Variants in BIRC6 observed in about 807,000 individuals in gnomAD.
The protein encoded by BIRC6 is dual E2 ubiquitin-conjugating enzyme/E3 ubiquitin-protein ligase BIRC6.
A neutral mutation model predicts 503.3 loss-of-function variants in BIRC6; 98 were observed. The ratio of observed to expected loss-of-function variants is 0.19; its 90% CI spans 0.17 to 0.23. The LOEUF (loss-of-function observed/expected upper bound fraction) is 0.23, where lower values mean the gene tolerates loss of function less well. Ranked by LOEUF, BIRC6 falls within the 10% of genes least tolerant of loss-of-function variation. The probability of loss-of-function intolerance (pLI) is 1.00; values close to 1 mark genes in which losing one functional copy is unlikely to be tolerated. For synonymous variants in BIRC6, 2,240 were observed against 2,078.7 expected (o/e 1.08, Z -2.11); for missense variants, 5,360 against 5,806.0 (o/e 0.92, Z 2.50).
At chr2:32,613,581 A>G (rs946071992) in intron 73 of BIRC6, among the ~76,000 whole-genome samples, 1 of 151,914 alleles carries the variant, frequency 6.6e-6, no homozygotes, top group Admixed American at 6.6e-5. Flanking sequence ...GGGTTTCACC[A>G]TGTTGGCCAG....
At chr2:32,609,965 G>T (rs1337424005) in intron 72 of BIRC6, among the ~76,000 whole-genome samples, 2 of 152,080 alleles carry the variant, frequency 1.3e-5, no homozygotes, top group African/African-American at 2.4e-5. Flanking sequence ...AATGCCACTC[G>T]CTACTCTTTG....
chr2:32,484,505 C>T (rs868465409), intron 39 of BIRC6, among the ~76,000 whole-genome samples: 2 of 146,970 alleles, frequency 1.4e-5, no homozygotes, highest in East Asian at 2.0e-4. Context: ...GAGCCAAGAT[C>T]GTGCTGCTGC....
intron 22 of BIRC6, among the ~76,000 whole-genome samples, chr2:32,452,594 C>T (rs2046841811): frequency 2.0e-5 from 3 of 152,090 alleles, no homozygotes; most frequent in Admixed American, 2.0e-4. Context: ...TTCTGCATGG[C>T]TTTTCTGCCA....
Position 32,529,736 on chromosome 2 carries a change from A to G in BIRC6, c.12006A>G (p.Ile4002Met). The G allele has an allele frequency of 6.2e-7, 1 of 1,613,784 alleles. No individual in the cohort carries two copies. Among genetic ancestry groups the G allele is most frequent in the Non-Finnish European group, 8.5e-7 (1 of 1,179,736 alleles). The change falls in exon 60 of 74, where the codon ATA (isoleucine) becomes ATG (methionine). Residue 4002 changes from isoleucine (I) to methionine (M), a missense_variant. Around this residue, in one of 16 missense-constraint regions of BIRC6, gnomAD observed 878 missense variants for 928.9 expected, o/e 0.95. Coordinates refer to ENST00000421745, the MANE Select transcript of BIRC6 (RefSeq NM_016252.4). Reference sequence around the variant, plus strand: ...AACTTCCTCAGGGTTACCGCTCAATAGATCTGACTGTTAAATTGGGATCAA... The same window carrying G: ...AACTTCCTCAGGGTTACCGCTCAATGGATCTGACTGTTAAATTGGGATCAA... ...DRKLPQGYRS[I>M]DLTVKLGSRV...
In BIRC6 at chr2:32,477,557, G is replaced by T; in HGVS notation, c.7042G>T (p.Ala2348Ser). Residue 2348 changes from alanine (A) to serine (S), a missense_variant, in exon 35 of 74, where the codon GCA becomes TCA. Transcript: ENST00000421745. ...TCTCTCCATGGACTTTACATGTCAT[G>T]CAGATCTCTTATTGTTTGTTTGTAA... is the stretch of plus-strand genomic sequence containing the variant. ...FLLSMDFTCH[A>S]DLLLFVCKVL... 2 of 1,613,682 alleles carry T rather than the reference G, an allele frequency of 1.2e-6. No homozygotes were observed. The highest frequency in any genetic ancestry group is 1.7e-6 in the Non-Finnish European group (2 of 1,179,732).
rs1333331685 is a variant in BIRC6, at chr2:32,603,099, C to G, written c.14070+16C>G. Reference sequence around the variant, plus strand: ...CTTTTTGCAAGTAAACAAAATTTCTCTGACATTTTCACTTAAGAAATAAAG... The same window carrying G: ...CTTTTTGCAAGTAAACAAAATTTCTGTGACATTTTCACTTAAGAAATAAAG... On this transcript the variant is annotated intron_variant, in intron 71 of 73. Coordinates refer to ENST00000421745, the MANE Select transcript of BIRC6 (RefSeq NM_016252.4). 6.3e-7 allele frequency: 1 copy of G among 1,594,808 alleles called. No homozygotes were observed. The highest frequency in any genetic ancestry group is 2.2e-5 in the East Asian group (1 of 44,668).
At chr2:32,379,220 G>A (rs112944071) in intron 2 of BIRC6, 1 of 152,130 alleles carries the variant, frequency 6.6e-6, no homozygotes, top group Non-Finnish European at 1.5e-5. Context: ...TCTTTGGATA[G>A]AGAATTAATT....
chr2:32,449,599 A>G (rs74969525), intron 22 of BIRC6, among the ~76,000 whole-genome samples: 2,418 of 152,306 alleles, frequency 0.016, 48 homozygotes, highest in African/African-American at 0.056. Context: ...ATTTGCAAAC[A>G]GATTAAGGTA....
chr2:32,507,107 T>TA (rs1558920912), intron 50 of BIRC6, among the ~76,000 whole-genome samples: 2 of 151,908 alleles, frequency 1.3e-5, no homozygotes, highest in African/African-American at 2.4e-5. Context: ...ATTGATTTTT[T>TA]AAAAAAAATC....
At chr2:32,598,127 C>T (rs962088799) in intron 69 of BIRC6, among the ~76,000 whole-genome samples, 159 bp downstream of exon 69, 2 of 132,408 alleles carry the variant, frequency 1.5e-5, no homozygotes, top group Non-Finnish European at 3.2e-5. Flanking sequence ...AGCCTCCCCA[C>T]CCCTCCCCCC....
At chr2:32,590,710 T>G in intron 66 of BIRC6, 14 of 867,390 alleles carry the variant, frequency 1.6e-5, no homozygotes, top group Non-Finnish European at 1.8e-5. Flanking sequence ...TTTAACTAAT[T>G]AGCTATTTAG....
Position 32,415,623 on chromosome 2 carries a change from A to G in BIRC6, c.2332A>G (p.Asn778Asp). Residue 778 changes from asparagine (N) to aspartate (D), a missense_variant, in exon 10 of 74, where the codon AAT (asparagine) becomes GAT (aspartate). By Grantham distance (23) the Asn-to-Asp change is conservative. Around this residue, in one of 16 missense-constraint regions of BIRC6, gnomAD observed 700 missense variants for 739.3 expected, o/e 0.95. Transcript: ENST00000421745. ...NLNKLNSALC[N>D]RRKGELESNL... ...AAATAAATTAAACTCTGCACTATGT[A>G]ATAGACGGAAAGGTGAGCTGGAATC... 6.2e-7 allele frequency: 1 copy of G among 1,613,994 alleles called. No individual in the cohort carries two copies. The highest frequency in any genetic ancestry group is 1.3e-5 in the African/African-American group (1 of 75,058).
At chr2:32,599,326 TAAA>T (rs61611664) in intron 69 of BIRC6, among the ~76,000 whole-genome samples, 4 of 121,628 alleles carry the variant, frequency 3.3e-5, no homozygotes, top group Non-Finnish European at 3.4e-5. Context: ...GAGACTGTCT[TAAA>T]AAAAAAAAAA....
chr2:32,603,949 A>G (rs1341194171), intron 71 of BIRC6, among the ~76,000 whole-genome samples: 1 of 151,876 alleles, frequency 6.6e-6, no homozygotes, highest in Non-Finnish European at 1.5e-5. Context: ...AGATTCTAAG[A>G]AAACACTTTA....
At chr2:32,451,527 G>A (rs1272505032) in intron 22 of BIRC6, among the ~76,000 whole-genome samples, 1 of 152,108 alleles carries the variant, frequency 6.6e-6, no homozygotes, top group Non-Finnish European at 1.5e-5. Flanking sequence ...TGCCCTTGAC[G>A]TTGCAGTAAA....
chr2:32,460,369 C>G (rs1219324901), intron 23 of BIRC6, among the ~76,000 whole-genome samples: 2 of 145,734 alleles, frequency 1.4e-5, no homozygotes, highest in Non-Finnish European at 3.0e-5. Context: ...CTCCGCCTCC[C>G]GGGTTCAAGT....
chr2:32,482,333 T>C (rs1409695637), intron 38 of BIRC6, 96 bp from the exon 39 acceptor site: 1 of 1,178,764 alleles, frequency 8.5e-7, no homozygotes, highest in African/African-American at 1.5e-5. Flanking sequence ...ATAGAATATT[T>C]ATTTTGTAGT....
intron 61 of BIRC6, among the ~76,000 whole-genome samples, chr2:32,533,687 G>T (rs2710626): frequency 6.6e-6 from 1 of 151,856 alleles, no homozygotes; most frequent in Non-Finnish European, 1.5e-5. Flanking sequence ...CTAAGCATAA[G>T]CGAGGAATAG....
Position 32,618,233 on chromosome 2 carries a change from T to A in BIRC6, c.*329T>A, listed in dbSNP as rs1016305615. 59 of 165,066 alleles carry A rather than the reference T, an allele frequency of 3.6e-4. No individual in the cohort carries two copies. The highest frequency in any genetic ancestry group is 4.9e-4 in the Admixed American group (8 of 16,366). The allele number at this position is 165,066 out of a possible 1,614,324, so 10.2% of individuals were successfully genotyped here. A position where few individuals can be genotyped will look rare whatever the true frequency, so the allele number is the denominator to read the frequency against. ...CTGAATGTTTATTTTATTTTATTTT[T>A]TTTTTACTATAGAGTGAGGGGTTGT... is the stretch of plus-strand genomic sequence containing the variant. On this transcript the variant is annotated 3_prime_UTR_variant, in exon 74 of 74. Coordinates refer to ENST00000421745, the MANE Select transcript of BIRC6 (RefSeq NM_016252.4).
Sources: gnomAD v4.1 joint callset for allele counts (sites outside exome capture counted in the v4.1 genomes callset) on GRCh38, gnomAD v4.1.1 for gene constraint, gnomAD v4.1.1 regional missense constraint, MANE v1.5 for transcripts, NCBI Gene and HGNC (gene_info 2026-07-23, HGNC 2026-07-21) for gene names.